The following AGMO variants were observed in gnomAD, a reference collection of about 807,000 sequenced individuals.
The protein encoded by AGMO is alkylglycerol monooxygenase.
AGMO carries 75 observed loss-of-function variants against 60.2 expected under a neutral mutation model. The observed-to-expected ratio is 1.25, with a 90% CI of 1.03 to 1.51. The LOEUF (loss-of-function observed/expected upper bound fraction) is 1.51. Ranked by LOEUF, AGMO falls within the 40% of genes most tolerant of loss-of-function variation. The probability of loss-of-function intolerance (pLI) is 0.00; values close to 1 mark genes in which losing one functional copy is unlikely to be tolerated. For missense variants in AGMO, 763 were observed against 525.5 expected (o/e 1.45, Z -4.42); for synonymous variants, 261 against 177.1 (o/e 1.47, Z -3.76).
intron 3 of AGMO, among the ~76,000 whole-genome samples, chr7:15,487,520 T>C (rs1200672741): frequency 6.6e-6 from 1 of 152,182 alleles, no homozygotes; most frequent in East Asian, 1.9e-4. Flanking sequence ...TTGATTCATA[T>C]ATCAGGTATC....
At chr7:15,341,919 C>A (rs1207527249) in intron 12 of AGMO, among the ~76,000 whole-genome samples, 3 of 151,914 alleles carry the variant, frequency 2.0e-5, no homozygotes, top group African/African-American at 7.3e-5. Flanking sequence ...ATGGGAAAAT[C>A]TGCTCTATGA....
At chr7:15,545,170 G>A (rs932466768) in intron 2 of AGMO, among the ~76,000 whole-genome samples, 22 of 151,948 alleles carry the variant, frequency 1.4e-4, no homozygotes, top group African/African-American at 4.8e-4. Flanking sequence ...TCAATTTCAT[G>A]AAATTTAAAA....
intron 12 of AGMO, among the ~76,000 whole-genome samples, chr7:15,243,005 G>C (rs2128503574): frequency 6.6e-6 from 1 of 152,038 alleles, no homozygotes; most frequent in East Asian, 1.9e-4. Context: ...ATGTCAGTGG[G>C]GGGAGGTGAA....
chr7:15,171,497 T>G, the AGMO span, among the ~76,000 whole-genome samples: 3 of 152,210 alleles, frequency 2.0e-5, no homozygotes, highest in African/African-American at 4.8e-5. Flanking sequence ...AGATTTGGGT[T>G]GTGAGGAGTT....
chr7:15,379,823 G>A (rs1484339865), intron 10 of AGMO, among the ~76,000 whole-genome samples: 3 of 152,006 alleles, frequency 2.0e-5, no homozygotes, highest in African/African-American at 7.2e-5. Flanking sequence ...ATGATTAAAT[G>A]GGCTTTATCC....
At chr7:15,481,238 G>A (rs888602458) in intron 3 of AGMO, among the ~76,000 whole-genome samples, 5 of 152,042 alleles carry the variant, frequency 3.3e-5, no homozygotes, top group African/African-American at 1.2e-4. Context: ...TTATTGCCAG[G>A]ATCCTATCTG....
chr7:15,520,430 T>C (rs1783948187), intron 3 of AGMO, among the ~76,000 whole-genome samples: 1 of 152,162 alleles, frequency 6.6e-6, no homozygotes, highest in African/African-American at 2.4e-5. Flanking sequence ...TATTCTAAAA[T>C]TGACCACACA....
intron 12 of AGMO, among the ~76,000 whole-genome samples, chr7:15,330,791 C>T (rs761741115): frequency 6.6e-6 from 1 of 151,956 alleles, no homozygotes; most frequent in Non-Finnish European, 1.5e-5. Flanking sequence ...ATTTACTTAA[C>T]ATCTTTCTAA....
chr7:15,275,678 C>A (rs961284360), intron 12 of AGMO, among the ~76,000 whole-genome samples: 1 of 151,622 alleles, frequency 6.6e-6, no homozygotes, highest in Non-Finnish European at 1.5e-5. Context: ...GCTATGTTTT[C>A]TTAGGTTAAG....
rs1783617631 is a variant in AGMO, at chr7:15,509,542, T to G, written c.409+35230A>C. On this transcript the variant is annotated intron_variant, in intron 3 of 12. Coordinates refer to ENST00000342526, the MANE Select transcript of AGMO (RefSeq NM_001004320.2). ...ACCTTGGAAATTTTTTTTCTTGATA[T>G]GACACTAAAAGCTCAGGAAACAATA... Among the ~76,000 whole-genome samples, 3 of 152,166 alleles carry G rather than the reference T, an allele frequency of 2.0e-5. 1 individual carries two copies. The South Asian group carries it at 6.2e-4, about 32-fold the overall frequency.
chr7:15,434,778 G>A (rs1781352268), intron 3 of AGMO, among the ~76,000 whole-genome samples: 1 of 152,100 alleles, frequency 6.6e-6, no homozygotes, highest in Non-Finnish European at 1.5e-5. Flanking sequence ...GAAACTATGA[G>A]ATGATAAACG....
At chr7:15,393,509 A>T (rs776344833) in intron 6 of AGMO, among the ~76,000 whole-genome samples, 13 of 152,180 alleles carry the variant, frequency 8.5e-5, no homozygotes, top group African/African-American at 1.4e-4. Context: ...TATTTTTTCT[A>T]TCACAAATAA....
chr7:15,466,281 C>A (rs1172713355), intron 3 of AGMO, among the ~76,000 whole-genome samples: 1 of 152,090 alleles, frequency 6.6e-6, no homozygotes, highest in Admixed American at 6.6e-5. Flanking sequence ...GTTCAAAACA[C>A]AAAGTAATTA....
At chr7:15,304,043 T>C (rs1441892529) in intron 12 of AGMO, among the ~76,000 whole-genome samples, 3 of 152,136 alleles carry the variant, frequency 2.0e-5, no homozygotes, top group Admixed American at 6.6e-5. Context: ...CTTGTGTTAG[T>C]TCAATTTTCA....
intron 12 of AGMO, among the ~76,000 whole-genome samples, chr7:15,236,483 T>C (rs894274227): frequency 5.9e-5 from 9 of 152,152 alleles, no homozygotes; most frequent in African/African-American, 2.2e-4. Flanking sequence ...GAACTCTGTC[T>C]TGAATTATCT....
At chr7:15,560,088 A>C (rs1785261941) in intron 2 of AGMO, 53 bp downstream of exon 2, 1 of 1,452,090 alleles carries the variant, frequency 6.9e-7, no homozygotes, top group Non-Finnish European at 9.2e-7. Flanking sequence ...TTTGCCCCTC[A>C]TACTTAGGCA....
rs754176354 is a variant in AGMO at position 15,561,830 on chromosome 7, C to T, written c.16G>A (p.Ala6Thr). The change falls in exon 1 of 13, where the codon GCC becomes ACC. Residue 6 changes from alanine to threonine, a missense_variant. Ala to Thr is a moderately conservative substitution (Grantham distance 58). Transcript: ENST00000342526. The part of the protein sequence containing the change: MKNPE[A>T]QQDVSVSQGF... ...TGGGAAACTGAAACATCCTGCTGGG[C>T]TTCTGGGTTCTTCATTTCTGCCCTT... 3.7e-6 allele frequency: 6 copies of T among 1,603,192 alleles called. No homozygotes were observed. Among genetic ancestry groups the T allele is most frequent in the Middle Eastern group, 1.7e-4 (1 of 6,044 alleles).
chr7:15,134,333 C>T, the AGMO span, among the ~76,000 whole-genome samples: 1 of 152,018 alleles, frequency 6.6e-6, no homozygotes, highest in Non-Finnish European at 1.5e-5. Context: ...CCATGCCTGG[C>T]TAATTTTTGT....
At chr7:15,340,815 G>C (rs1781820735) in intron 12 of AGMO, among the ~76,000 whole-genome samples, 1 of 152,154 alleles carries the variant, frequency 6.6e-6, no homozygotes, top group South Asian at 2.1e-4. Flanking sequence ...GGGAAATGTG[G>C]GGTTGGTGCC....
Sources: gnomAD v4.1 joint callset for allele counts (sites outside exome capture counted in the v4.1 genomes callset) on GRCh38, gnomAD v4.1.1 for gene constraint, MANE v1.5 for transcripts, NCBI Gene and HGNC (gene_info 2026-07-23, HGNC 2026-07-21) for gene names.